The following ITGB6 variants were observed in gnomAD, a reference collection of about 807,000 sequenced individuals.
ITGB6 encodes integrin beta-6.
ITGB6 carries 80 observed loss-of-function variants against 84.5 expected under a neutral mutation model. The ratio of observed to expected loss-of-function variants is 0.95; its 90% CI spans 0.79 to 1.14. ITGB6 has a LOEUF of 1.14. Among genes scored for constraint, ITGB6 ranks in the 50% most tolerant of loss-of-function variants. The probability of loss-of-function intolerance (pLI) is 0.00; values close to 1 mark genes in which losing one functional copy is unlikely to be tolerated. For synonymous variants in ITGB6, 383 were observed against 354.9 expected (o/e 1.08, Z -0.89); for missense variants, 1,006 against 968.0 (o/e 1.04, Z -0.52).
intron 7 of ITGB6, among the ~76,000 whole-genome samples, chr2:160,161,688 C>T (rs1031653691): frequency 6.8e-6 from 1 of 146,780 alleles, no homozygotes; most frequent in Non-Finnish European, 1.5e-5. Flanking sequence ...CTGTATTCCT[C>T]CTCACTTTTC....
chr2:160,134,425 C>A (rs912659880), intron 10 of ITGB6, among the ~76,000 whole-genome samples: 1 of 152,176 alleles, frequency 6.6e-6, no homozygotes, highest in Non-Finnish European at 1.5e-5. Flanking sequence ...AGCTTACCAA[C>A]CAAAAACAGT....
intron 14 of ITGB6, among the ~76,000 whole-genome samples, chr2:160,105,199 C>T (rs1400054470): frequency 1.3e-5 from 2 of 152,048 alleles, no homozygotes; most frequent in Non-Finnish European, 2.9e-5. Context: ...ATTTGTTATT[C>T]AAAGAAACTC....
At chr2:160,115,340 G>C (rs557913524) in intron 12 of ITGB6, among the ~76,000 whole-genome samples, 2 of 152,196 alleles carry the variant, frequency 1.3e-5, no homozygotes, top group South Asian at 4.1e-4. Flanking sequence ...GGTTCACCAA[G>C]ATCCACTGTT....
At chr2:160,140,714 A>C (rs1414197308) in intron 8 of ITGB6, among the ~76,000 whole-genome samples, 1 of 152,240 alleles carries the variant, frequency 6.6e-6, no homozygotes, top group African/African-American at 2.4e-5. Flanking sequence ...TGATCTAAGA[A>C]AACTGAAATT....
intron 4 of ITGB6, among the ~76,000 whole-genome samples, chr2:160,178,396 T>C (rs1280445806): frequency 6.6e-6 from 1 of 152,364 alleles, no homozygotes; most frequent in South Asian, 2.1e-4. Context: ...CATACCGAAA[T>C]GACATTTGAG....
At chr2:160,196,646 A>T (rs1362224572) in intron 2 of ITGB6, among the ~76,000 whole-genome samples, 1 of 152,024 alleles carries the variant, frequency 6.6e-6, no homozygotes, top group African/African-American at 2.4e-5. Context: ...GTCTCCTTTC[A>T]GTTATGTTCA....
intron 2 of ITGB6, among the ~76,000 whole-genome samples, chr2:160,198,847 A>G (rs1224723678): frequency 6.6e-6 from 1 of 152,208 alleles, no homozygotes; most frequent in East Asian, 1.9e-4. Context: ...TATCATCTCC[A>G]TGAACTCTGA....
In ITGB6 at chr2:160,137,463, C is replaced by T; in HGVS notation, c.1631G>A (p.Cys544Tyr). 6.2e-7 allele frequency: 1 copy of T among 1,612,386 alleles called. No individual in the cohort carries two copies. The highest frequency in any genetic ancestry group is 8.5e-7 in the Non-Finnish European group (1 of 1,178,624). ...GCAGAGCAGCCCTTTGTGTCTCACGCAGGAGAAATTGTCACACTGGCAATA... is the reference window on the plus strand; with the variant it reads ...GCAGAGCAGCCCTTTGTGTCTCACGTAGGAGAAATTGTCACACTGGCAATA... ...GPYCQCDNFS[C>Y]VRHKGLLCGG... The change falls in exon 10 of 15, where the codon TGC becomes TAC. Residue 544 changes from cysteine (C) to tyrosine (Y), a missense_variant. Physicochemically the swap from Cys to Tyr is radical, Grantham distance 194. Transcript: ENST00000283249.
At chr2:160,168,633 T>C (rs967128543) in intron 7 of ITGB6, among the ~76,000 whole-genome samples, 3 of 152,230 alleles carry the variant, frequency 2.0e-5, no homozygotes, top group African/African-American at 7.2e-5. Context: ...CTTCATCTAA[T>C]GAAACCATTC....
At chr2:160,135,535 C>A (rs1466952026) in intron 10 of ITGB6, among the ~76,000 whole-genome samples, 1 of 151,788 alleles carries the variant, frequency 6.6e-6, no homozygotes, top group Non-Finnish European at 1.5e-5. Flanking sequence ...ACTTTCTTCA[C>A]AGAACTGGAA....
At position 160,112,110 on chromosome 2, in the gene ITGB6, T is replaced by C. The variant is rs1165829377; in HGVS notation, c.2071A>G (p.Lys691Glu). 5.0e-6 allele frequency: 8 copies of C among 1,612,868 alleles called. No individual in the cohort carries two copies. Among genetic ancestry groups the C allele is most frequent in the Middle Eastern group, 1.6e-4 (1 of 6,084 alleles). Residue 691 changes from lysine to glutamate, a missense_variant, in exon 13 of 15, where the codon AAA (lysine) becomes GAA (glutamate). By Grantham distance (56) the Lys-to-Glu change is moderately conservative. Transcript: ENST00000283249. The stretch of plus-strand genomic sequence containing the variant: ...TCATTGATGCTGTGAATGATGGTTT[T>C]CCCCTCATTATCTGTAGTTATTAGG... ...TFLITTDNEG[K>E]TIIHSINEKD...
rs1398911543 is a variant in ITGB6 at position 160,137,416 on chromosome 2, G to A, written c.1660+18C>T. ...ACTTGAGCAGCCACAGGGTAAGATG[G>A]ATTTCAACATAGCCTACCTCCGCAG... On this transcript the variant is annotated intron_variant, in intron 10 of 14. Coordinates refer to ENST00000283249, the MANE Select transcript of ITGB6 (RefSeq NM_000888.5). The A allele has an allele frequency of 1.3e-6, 2 of 1,590,014 alleles. No individual in the cohort carries two copies.
chr2:160,120,877 C>A lies in ITGB6; in HGVS notation c.1981+2914G>T, dbSNP rs531679881. On this transcript the variant is annotated intron_variant, in intron 12 of 14. Coordinates refer to ENST00000283249, the MANE Select transcript of ITGB6 (RefSeq NM_000888.5). ...ATTGAACAATGAGAACACATGGACA[C>A]AGGAAGGGGAACATCACACTTCAGG... is the stretch of plus-strand genomic sequence containing the variant. Among the ~76,000 whole-genome samples, 45 of 138,898 alleles carry A rather than the reference C, an allele frequency of 3.2e-4. 1 individual carries two copies. The South Asian group carries it at 0.01, about 32-fold the overall frequency. 91.1% of individuals were successfully genotyped at this position (138,898 alleles called of 152,430 possible). A position where few individuals can be genotyped will look rare whatever the true frequency, so the allele number is the denominator to read the frequency against.
At chr2:160,159,922 A>G (rs75325843) in intron 7 of ITGB6, among the ~76,000 whole-genome samples, 3,871 of 152,260 alleles carry the variant, frequency 0.025, 153 homozygotes, top group African/African-American at 0.088. Context: ...CTACTAGATT[A>G]CAAGTCCATG....
At chr2:160,162,049 C>T (rs932601547) in intron 7 of ITGB6, among the ~76,000 whole-genome samples, 7 of 152,166 alleles carry the variant, frequency 4.6e-5, no homozygotes, top group Admixed American at 1.3e-4. Flanking sequence ...TATAGCTATA[C>T]GTATCTCCAT....
At chr2:160,103,951 T>C (rs190522856) in intron 14 of ITGB6, among the ~76,000 whole-genome samples, 4 of 152,304 alleles carry the variant, frequency 2.6e-5, no homozygotes, top group African/African-American at 9.6e-5. Flanking sequence ...TTAATATAAC[T>C]GATATGCATT....
At chr2:160,134,886 G>A (rs896918245) in intron 10 of ITGB6, among the ~76,000 whole-genome samples, 62 of 152,234 alleles carry the variant, frequency 4.1e-4, no homozygotes, top group African/African-American at 1.4e-3. Context: ...AATAAATTAG[G>A]TATTGATGGG....
chr2:160,128,882 G>C (rs191478584), intron 10 of ITGB6, among the ~76,000 whole-genome samples: 128 of 152,268 alleles, frequency 8.4e-4, no homozygotes, highest in African/African-American at 2.9e-3. Flanking sequence ...AGGAGCTCAA[G>C]GGGCCTGTGG....
At position 160,112,184 on chromosome 2, in the gene ITGB6, C is replaced by T. The variant is rs750633028; in HGVS notation, c.1997G>A (p.Gly666Asp). The change falls in exon 13 of 15, where the codon GGT becomes GAT. Residue 666 changes from glycine to aspartate, a missense_variant. Physicochemically the swap from Gly to Asp is moderately conservative, Grantham distance 94 (BLOSUM62 -1). Coordinates refer to ENST00000283249, the MANE Select transcript of ITGB6 (RefSeq NM_000888.5). Reference protein sequence around the residue: ...ISEEEDFSKDGSVSCSLQGEN... With the variant: ...ISEEEDFSKDDSVSCSLQGEN... Reference sequence around the variant, plus strand: ...TCCTTGCAGAGAGCAGGAAACAGAACCATCCTTTGAGAAATCTGCAGATAA... The same window carrying T: ...TCCTTGCAGAGAGCAGGAAACAGAATCATCCTTTGAGAAATCTGCAGATAA... The T allele has an allele frequency of 6.2e-7, 1 of 1,611,672 alleles. No homozygotes were observed. Among genetic ancestry groups the T allele is most frequent in the African/African-American group, 1.3e-5 (1 of 74,810 alleles).
Sources: gnomAD v4.1 joint callset for allele counts (sites outside exome capture counted in the v4.1 genomes callset) on GRCh38, gnomAD v4.1.1 for gene constraint, MANE v1.5 for transcripts, NCBI Gene and HGNC (gene_info 2026-07-23, HGNC 2026-07-21) for gene names.